The following SHANK2 variants were observed in gnomAD, a reference collection of about 807,000 sequenced individuals.
The protein encoded by SHANK2 is SH3 and multiple ankyrin repeat domains protein 2.
In SHANK2, 43 loss-of-function variants were observed where a neutral mutation model predicts 133.7. The observed-to-expected ratio is 0.32, with a 90% confidence interval of 0.25 to 0.41. SHANK2 has a LOEUF of 0.41. Among genes scored for constraint, SHANK2 ranks in the 10% least tolerant of loss-of-function variants. SHANK2 has a pLI of 1.00. For synonymous variants in SHANK2, 1,017 were observed against 952.8 expected, an observed-to-expected ratio of 1.07 and a Z score of -1.24; for missense variants, 1,994 against 2,235.8, an observed-to-expected ratio of 0.89 and a Z score of 2.18.
intron 15 of SHANK2, among the ~76,000 whole-genome samples, chr11:70,684,639 C>T (rs1945105996): frequency 6.6e-6 from 1 of 152,082 alleles, no homozygotes; most frequent in Non-Finnish European, 1.5e-5. Flanking sequence ...ACTCCCTTCA[C>T]CCAGGAAGCA....
intron 14 of SHANK2, among the ~76,000 whole-genome samples, chr11:70,791,952 A>G (rs1469359068): frequency 1.3e-5 from 2 of 152,224 alleles, no homozygotes; most frequent in African/African-American, 4.8e-5. Flanking sequence ...AGTCCCATAA[A>G]CATGCAGCCT....
In SHANK2 at chr11:70,698,846, C is replaced by T; in HGVS notation, c.1778-83G>A. 4.2e-6 allele frequency: 3 copies of T among 715,242 alleles called. 1 individual carries two copies. In the South Asian group the frequency reaches 4.4e-5, roughly 11 times the overall value. 44.3% of individuals were successfully genotyped at this position (715,242 alleles called of 1,614,324 possible). A position where few individuals can be genotyped will look rare whatever the true frequency, so the allele number is the denominator to read the frequency against. ...ACCCACAGCACATGAGGCTGGTGGG[C>T]CCTCTCACCTACTCCCCAAAATGTG... On this transcript the variant is annotated intron_variant, in intron 14 of 25. Coordinates refer to ENST00000601538, the MANE Select transcript of SHANK2 (RefSeq NM_012309.5).
intron 14 of SHANK2, among the ~76,000 whole-genome samples, chr11:70,712,388 G>A (rs919113889): frequency 2.0e-5 from 3 of 152,182 alleles, no homozygotes; most frequent in South Asian, 2.1e-4. Context: ...ACATTAGGAC[G>A]TGAACATCTC....
chr11:71,172,253 C>T (rs1014322545), intron 2 of SHANK2, among the ~76,000 whole-genome samples: 3 of 152,168 alleles, frequency 2.0e-5, no homozygotes, highest in East Asian at 1.9e-4. Context: ...CCAAGAAAGG[C>T]GTCAACCTCA....
chr11:70,828,169 C>A (rs1025924244), intron 11 of SHANK2, among the ~76,000 whole-genome samples: 2 of 152,200 alleles, frequency 1.3e-5, no homozygotes, highest in Non-Finnish European at 2.9e-5. Flanking sequence ...GTGGTCCCAG[C>A]TACTCAGGAG....
At chr11:70,877,925 G>C (rs1555071663) in intron 11 of SHANK2, among the ~76,000 whole-genome samples, 1 of 152,234 alleles carries the variant, frequency 6.6e-6, no homozygotes, top group Non-Finnish European at 1.5e-5. Flanking sequence ...CACCTACCAG[G>C]TGGCAGAAGC....
At chr11:70,863,859 T>G (rs990361215) in intron 11 of SHANK2, 3 of 457,604 alleles carry the variant, frequency 6.6e-6, no homozygotes, top group Non-Finnish European at 1.3e-5. Context: ...GACAGCCACC[T>G]GCAAGCCAGG....
chr11:70,753,184 A>AC (rs1345870576), intron 14 of SHANK2, among the ~76,000 whole-genome samples: 9 of 151,808 alleles, frequency 5.9e-5, no homozygotes, highest in Non-Finnish European at 8.8e-5. Context: ...AAAAAAAAAA[A>AC]AACAAAAAAC....
intron 17 of SHANK2, among the ~76,000 whole-genome samples, chr11:70,565,396 C>T (rs1252061043): frequency 5.9e-5 from 9 of 152,230 alleles, no homozygotes; most frequent in African/African-American, 1.9e-4. Flanking sequence ...CAGGCGCGTG[C>T]CACCATGCCC....
intron 8 of SHANK2, among the ~76,000 whole-genome samples, chr11:71,080,643 T>C (rs1951286458): frequency 6.6e-6 from 1 of 152,168 alleles, no homozygotes; most frequent in South Asian, 2.1e-4. Flanking sequence ...AACATATGCC[T>C]TGTGACATGA....
chr11:70,921,993 G>A lies in SHANK2; in HGVS notation c.1108-25426C>T, dbSNP rs190915537. ...TGATCCAGATATTGGAGTGAGCAGCGAAGAACTTAAAAATGATTAGTATGA... is the reference window on the plus strand; with the variant it reads ...TGATCCAGATATTGGAGTGAGCAGCAAAGAACTTAAAAATGATTAGTATGA... On this transcript the variant is annotated intron_variant, in intron 10 of 25. Transcript: ENST00000601538. Among the ~76,000 whole-genome samples the A allele has an allele frequency of 2.1e-3, 313 of 152,284 alleles. 1 individual carries two copies. The highest frequency in any genetic ancestry group is 7.3e-3 in the African/African-American group (305 of 41,560).
At chr11:70,476,102 G>A (rs1438719254) in intron 25 of SHANK2, among the ~76,000 whole-genome samples, 1 of 152,066 alleles carries the variant, frequency 6.6e-6, no homozygotes, top group South Asian at 2.1e-4. Flanking sequence ...GGTGGTGGGC[G>A]CCTGTAATCC....
intron 14 of SHANK2, among the ~76,000 whole-genome samples, chr11:70,792,961 A>G (rs1947826802): frequency 6.6e-6 from 1 of 152,160 alleles, no homozygotes. Context: ...AAAATAAGGC[A>G]GGAGAATCAT....
chr11:70,820,615 G>T lies in SHANK2; in HGVS notation c.1242C>A (p.Pro414=), dbSNP rs782450409. Residue 414 remains proline, a synonymous_variant, in exon 12 of 26, where the codon CCC becomes CCA. Transcript: ENST00000601538. ...CACTGTTGGAGCGCAGCAGGACCCGGGGGGCGGCCAGCGTGTTGGGGGGCC... is the reference window on the plus strand; with the variant it reads ...CACTGTTGGAGCGCAGCAGGACCCGTGGGGCGGCCAGCGTGTTGGGGGGCC... ...RRRPPNTLAA[P]RVLLRSNSDN... The T allele has an allele frequency of 2.8e-6, 2 of 714,076 alleles. No individual in the cohort carries two copies. Among genetic ancestry groups the T allele is most frequent in the South Asian group, 3.0e-5 (2 of 67,384 alleles). The allele number at this position is 714,076 out of a possible 1,614,324, so 44.2% of individuals were successfully genotyped here.
At chr11:70,816,324 G>T (rs574196621) in intron 12 of SHANK2, among the ~76,000 whole-genome samples, 1 of 152,366 alleles carries the variant, frequency 6.6e-6, no homozygotes, top group South Asian at 2.1e-4. Context: ...GAGCCAGGTA[G>T]CCCTGGCGGT....
chr11:70,474,801 T>C (rs2058642193), intron 25 of SHANK2: 1 of 152,252 alleles, frequency 6.6e-6, no homozygotes, highest in African/African-American at 2.4e-5. Flanking sequence ...TTGAGAGATG[T>C]CTGCTGGAGC....
rs1213992027 is a variant in SHANK2 at position 70,715,974 on chromosome 11, G to A, written c.1778-17211C>T. On this transcript the variant is annotated intron_variant, in intron 14 of 25. Coordinates refer to ENST00000601538, the MANE Select transcript of SHANK2 (RefSeq NM_012309.5). ...GAGCCTGCCTCTGGCTGTGGACAGG[G>A]CGTCTGGAGGGGCCTCACTCTGTGT... Among the ~76,000 whole-genome samples, 4 of 152,190 alleles carry A rather than the reference G, an allele frequency of 2.6e-5. No homozygotes were observed. In the South Asian group the frequency reaches 8.3e-4, roughly 31 times the overall value.
chr11:70,710,790 G>T (rs1381181185), intron 14 of SHANK2, among the ~76,000 whole-genome samples: 1 of 152,170 alleles, frequency 6.6e-6, no homozygotes. Context: ...CCGGAGCCCT[G>T]TGAGAGCCTG....
In SHANK2 at chr11:70,872,532, G is replaced by A. The variant is rs1434913939; in HGVS notation, c.1174+23969C>T. 5.9e-5 allele frequency among the ~76,000 whole-genome samples: 9 copies of A among 151,996 alleles called. No individual in the cohort carries two copies. The East Asian group carries it at 1.8e-3, about 30-fold the overall frequency. Reference sequence around the variant, plus strand: ...CTTGGTGGACACAGTGGGTGCAAACGACCAAGTGGCTGGATGGAGGGAAGA... The same window carrying A: ...CTTGGTGGACACAGTGGGTGCAAACAACCAAGTGGCTGGATGGAGGGAAGA... On this transcript the variant is annotated intron_variant, in intron 11 of 25. Coordinates refer to ENST00000601538, the MANE Select transcript of SHANK2 (RefSeq NM_012309.5).
Sources: gnomAD v4.1 joint callset for allele counts (sites outside exome capture counted in the v4.1 genomes callset) on GRCh38, gnomAD v4.1.1 for gene constraint, MANE v1.5 for transcripts, NCBI Gene and HGNC (gene_info 2026-07-23, HGNC 2026-07-21) for gene names.